Variants in WNT9B observed in about 807,000 individuals in gnomAD.
The protein encoded by WNT9B is protein Wnt-9b.
WNT9B carries 12 observed loss-of-function variants against 30.2 expected under a neutral mutation model. The observed-to-expected ratio is 0.40, with a 90% CI of 0.26 to 0.64. The LOEUF is 0.64. Ranked by LOEUF, WNT9B falls within the 30% of genes least tolerant of loss-of-function variation. The pLI is 0.42. For synonymous variants in WNT9B, 218 were observed against 216.9 expected (o/e 1.01, Z -0.05); for missense variants, 442 against 485.2 (o/e 0.91, Z 0.84).
At chr17:46,854,110 A>T (rs1856023436) in intron 1 of WNT9B, among the ~76,000 whole-genome samples, 1 of 152,220 alleles carries the variant, frequency 6.6e-6, no homozygotes, top group African/African-American at 2.4e-5. Context: ...GGGGAGCAGG[A>T]CAGATGCTCA....
chr17:46,866,072 A>G (rs1472039621), intron 1 of WNT9B, among the ~76,000 whole-genome samples: 1 of 152,206 alleles, frequency 6.6e-6, no homozygotes, highest in Admixed American at 6.5e-5. Context: ...GCAGGACGTC[A>G]TGGAGGAGGT....
chr17:46,874,433 C>T (rs138439056), intron 2 of WNT9B, among the ~76,000 whole-genome samples: 62 of 152,270 alleles, frequency 4.1e-4, no homozygotes, highest in Non-Finnish European at 7.5e-4. Context: ...ACTGTGCCTA[C>T]GCCAGGTGTC....
chr17:46,839,217 T>C (rs1429141516), intron 1 of WNT9B, among the ~76,000 whole-genome samples: 15 of 152,180 alleles, frequency 9.9e-5, no homozygotes, highest in Admixed American at 9.8e-4. Flanking sequence ...GTTTCAAAGA[T>C]GATTGTTATG....
chr17:46,844,910 G>A (rs8075685), intron 1 of WNT9B, among the ~76,000 whole-genome samples: 27,146 of 151,794 alleles, frequency 0.18, 3,131 homozygotes, highest in East Asian at 0.5. Context: ...TGCAATGGTG[G>A]GATCTCTGCT....
chr17:46,842,847 T>C (rs941766678), intron 1 of WNT9B, among the ~76,000 whole-genome samples: 1 of 152,226 alleles, frequency 6.6e-6, no homozygotes, highest in Admixed American at 6.5e-5. Context: ...TGAATCACAC[T>C]GGAAGATGTC....
At position 46,851,894 on chromosome 17, in the gene WNT9B, C is replaced by G. The variant is rs2084853410; in HGVS notation, c.77+179C>G. 6.6e-6 allele frequency among the ~76,000 whole-genome samples: 1 copy of G among 152,202 alleles called. No homozygotes were observed. Among genetic ancestry groups the G allele is most frequent in the African/African-American group, 2.4e-5 (1 of 41,446 alleles). On this transcript the variant is annotated intron_variant, in intron 1 of 3. Coordinates refer to ENST00000290015, the MANE Select transcript of WNT9B (RefSeq NM_003396.3). The surrounding 1 kb of genome is among the most constrained non-coding windows in gnomAD (Gnocchi z 4.3). Reference sequence around the variant, plus strand: ...TCGGAGTTCGCGCCCTGAGTTCGGTCTCCAGCTTCCCCGGCTCCGAATCCA... The same window carrying G: ...TCGGAGTTCGCGCCCTGAGTTCGGTGTCCAGCTTCCCCGGCTCCGAATCCA...
Position 46,872,565 on chromosome 17 carries a change from G to A in WNT9B, c.126G>A (p.Ala42=), listed in dbSNP as rs138373438. ...CGCCCTTCCCAGGATTGGGCACTGC[G>A]GCAGCCCCGGCACAGGGCGGGGCCC... is the stretch of plus-strand genomic sequence containing the variant. ...VLTPFPGLGT[A]AAPAQGGAHL... Residue 42 remains alanine (A), a synonymous_variant, in exon 2 of 4, where the codon GCG becomes GCA. Transcript: ENST00000290015. The A allele has an allele frequency of 2.7e-4, 435 of 1,591,810 alleles. No homozygotes were observed. The African/African-American group carries it at 3.1e-3, about 11-fold the overall frequency.
chr17:46,858,465 T>TTTTTATTTTA lies in WNT9B; in HGVS notation c.77+6775_77+6784dup, dbSNP rs149880516. On this transcript the variant is annotated intron_variant, in intron 1 of 3. Transcript: ENST00000290015. Reference sequence around the variant, plus strand: ...AAAGATTTCTTCCTACGTTTTCTCCTTTTTATTTTATTTTATTTTATTTTA... The same window carrying TTTTTATTTTA: ...AAAGATTTCTTCCTACGTTTTCTCCTTTTTATTTTATTTTATTTTATTTTATTTTATTTTA... 2.5e-3 allele frequency among the ~76,000 whole-genome samples: 385 copies of TTTTTATTTTA among 151,290 alleles called. 2 individuals carry two copies. Among genetic ancestry groups the TTTTTATTTTA allele is most frequent in the African/African-American group, 7.1e-3 (293 of 41,234 alleles).
chr17:46,880,584 A>C (rs1257657477), downstream of WNT9B, among the ~76,000 whole-genome samples: 1 of 152,198 alleles, frequency 6.6e-6, no homozygotes, highest in Admixed American at 6.5e-5. Context: ...AATTTATTGC[A>C]ATAACTTTGC....
Position 46,872,777 on chromosome 17 carries a change from GGGA to G in WNT9B, c.334+10_334+12del. 1.3e-6 allele frequency: 2 copies of G among 1,597,146 alleles called. No individual in the cohort carries two copies. Among genetic ancestry groups the G allele is most frequent in the Non-Finnish European group, 1.7e-6 (2 of 1,169,712 alleles). ...AGGATGGGCCTGCTCAAGAGAGGTG[GGGA>G]GGAGGGCTAGGGGACGGGGAGGGCT... On this transcript the variant is annotated splice_donor_5th_base_variant and intron_variant, in intron 2 of 3. Coordinates refer to ENST00000290015, the MANE Select transcript of WNT9B (RefSeq NM_003396.3).
intron 1 of WNT9B, among the ~76,000 whole-genome samples, chr17:46,857,792 G>GTATCTCA (rs2084964512): frequency 6.6e-6 from 1 of 152,172 alleles, no homozygotes; most frequent in Non-Finnish European, 1.5e-5. Flanking sequence ...TCTCATTGTG[G>GTATCTCA]TTTTAATTTG....
downstream of WNT9B, among the ~76,000 whole-genome samples, chr17:46,884,396 A>G (rs2085464429): frequency 6.6e-6 from 1 of 152,166 alleles, no homozygotes; most frequent in African/African-American, 2.4e-5. Context: ...CCCCTCTCCA[A>G]GTTCAGGAAG....
At chr17:46,872,380 G>T in intron 1 of WNT9B, 137 bp from the exon 2 acceptor site, 1 of 1,315,476 alleles carries the variant, frequency 7.6e-7, no homozygotes, top group Non-Finnish European at 9.9e-7. Context: ...TCTGTAAAAT[G>T]GGGACGGGAC....
chr17:46,839,976 CTCTTCTTTCTTTCTTTTTTCTTTCTTCT>C (rs1568113769), intron 1 of WNT9B, among the ~76,000 whole-genome samples: 9 of 100,938 alleles, frequency 8.9e-5, no homozygotes, highest in Non-Finnish European at 1.5e-4. Flanking sequence ...TTCTTTCTTT[CTCTTCTTTCTTTCTTTTTTCTTTCTTCT>C]TTCTTTCTTT....
At chr17:46,854,974 A>G (rs2084915249) in intron 1 of WNT9B, among the ~76,000 whole-genome samples, 1 of 152,124 alleles carries the variant, frequency 6.6e-6, no homozygotes, top group Non-Finnish European at 1.5e-5. Context: ...ACTTTCTCAT[A>G]CAGCCATCTC....
Position 46,872,727 on chromosome 17 carries a change from G to A in WNT9B, c.288G>A (p.Glu96=), listed in dbSNP as rs767617128. The A allele has an allele frequency of 6.8e-6, 11 of 1,612,798 alleles. No individual in the cohort carries two copies. Among genetic ancestry groups the A allele is most frequent in the East Asian group, 6.7e-5 (3 of 44,846 alleles). The stretch of plus-strand genomic sequence containing the variant: ...AGTGCCAGTTTCAGTTCCGGCATGA[G>A]CGCTGGAACTGTAGCCTGGAGGGCA... ...LLECQFQFRH[E]RWNCSLEGRM... is the part of the protein sequence containing the mutation. The change falls in exon 2 of 4, where the codon GAG becomes GAA. Residue 96 remains glutamate, a synonymous_variant. Transcript: ENST00000290015.
chr17:46,881,736 G>A (rs1245949872), downstream of WNT9B, among the ~76,000 whole-genome samples: 1 of 152,082 alleles, frequency 6.6e-6, no homozygotes, highest in Non-Finnish European at 1.5e-5. Context: ...TACCCTACCC[G>A]CAATATCCCT....
At chr17:46,881,196 C>T (rs2085417969), downstream of WNT9B, among the ~76,000 whole-genome samples, 1 of 152,228 alleles carries the variant, frequency 6.6e-6, no homozygotes, top group Non-Finnish European at 1.5e-5. Flanking sequence ...TTCAGCCCTG[C>T]TGGGGTCCAC....
intron 1 of WNT9B, among the ~76,000 whole-genome samples, chr17:46,865,749 G>A (rs574063676): frequency 2.5e-4 from 38 of 152,196 alleles, no homozygotes; most frequent in Non-Finnish European, 4.6e-4. Context: ...GGAACCACAG[G>A]CACGTGCCAC....
Sources: gnomAD v4.1 joint callset for allele counts (sites outside exome capture counted in the v4.1 genomes callset) on GRCh38, gnomAD v4.1.1 for gene constraint, Gnocchi (gnomAD v3.1) non-coding constraint, MANE v1.5 for transcripts, NCBI Gene and HGNC (gene_info 2026-07-23, HGNC 2026-07-21) for gene names.